CDH18: variants seen among roughly 807,000 people sequenced by gnomAD.
CDH18 encodes the protein cadherin-18.
In CDH18, 31 loss-of-function variants were observed where a neutral mutation model predicts 67.9. That is an observed-to-expected ratio of 0.46 (90% CI 0.34 to 0.62). CDH18 has a LOEUF of 0.62. Among genes scored for constraint, CDH18 ranks in the 20% least tolerant of loss-of-function variants. The pLI, the probability that CDH18 is intolerant of heterozygous loss-of-function variation, is 0.01. For synonymous variants in CDH18, 362 were observed against 347.2 expected, an observed-to-expected ratio of 1.04 and a Z score of -0.48; for missense variants, 890 against 975.5, an observed-to-expected ratio of 0.91 and a Z score of 1.17.
intron 5 of CDH18, among the ~76,000 whole-genome samples, chr5:19,679,515 T>C (rs1398883477): frequency 1.3e-5 from 2 of 151,996 alleles, no homozygotes; most frequent in Admixed American, 6.6e-5. Context: ...AGTCCAATTA[T>C]CTCTCTTTGC....
chr5:19,912,631 A>T (rs1249970923), intron 2 of CDH18, among the ~76,000 whole-genome samples: 1 of 152,200 alleles, frequency 6.6e-6, no homozygotes, highest in Non-Finnish European at 1.5e-5. Context: ...GAGCTATTTC[A>T]TCTTACAAAT....
intron 1 of CDH18, among the ~76,000 whole-genome samples, chr5:20,291,100 A>G (rs1007307606): frequency 6.6e-6 from 1 of 152,226 alleles, no homozygotes; most frequent in East Asian, 1.9e-4. Flanking sequence ...CATGTCATGA[A>G]TAAAATATGT....
At chr5:20,548,930 G>A (rs1220870229) in intron 1 of CDH18, among the ~76,000 whole-genome samples, 5 of 152,156 alleles carry the variant, frequency 3.3e-5, no homozygotes, top group Non-Finnish European at 4.4e-5. Flanking sequence ...TCACAGTGGT[G>A]TAGGATTGAA....
intron 3 of CDH18, among the ~76,000 whole-genome samples, chr5:19,807,345 G>A (rs1778144888): frequency 6.6e-6 from 1 of 151,858 alleles, no homozygotes; most frequent in Admixed American, 6.6e-5. Flanking sequence ...AAAAAGAAAA[G>A]GTACAGTAAA....
At chr5:20,242,638 A>ACATG (rs1743063219) in intron 2 of CDH18, among the ~76,000 whole-genome samples, 16 of 109,464 alleles carry the variant, frequency 1.5e-4, no homozygotes, top group Non-Finnish European at 2.0e-4. Flanking sequence ...ATATATGTAT[A>ACATG]TATATATATA....
chr5:20,389,836 T>A (rs1436280610), intron 1 of CDH18, among the ~76,000 whole-genome samples: 3 of 152,070 alleles, frequency 2.0e-5, no homozygotes, highest in Non-Finnish European at 2.9e-5. Context: ...CAATGCTGCA[T>A]ATCTACAACT....
At chr5:19,977,220 A>T (rs1463676130) in intron 2 of CDH18, among the ~76,000 whole-genome samples, 1 of 152,186 alleles carries the variant, frequency 6.6e-6, no homozygotes, top group African/African-American at 2.4e-5. Context: ...AGAAATGAAC[A>T]CATTATTGGG....
chr5:20,409,583 A>G (rs1293713536), intron 1 of CDH18, among the ~76,000 whole-genome samples: 1 of 151,706 alleles, frequency 6.6e-6, no homozygotes, highest in Non-Finnish European at 1.5e-5. Context: ...TTAAATAAAC[A>G]ACCTAACTTT....
rs1413633603 is a variant in CDH18 at position 20,419,473 on chromosome 5, T to G, written c.-580+155989A>C. On this transcript the variant is annotated intron_variant, in intron 1 of 14. Transcript: ENST00000507958. ...GGGTATGGGACTCTGTTTTTTTTTTTTTTTTTTTTTTTTTTTTTTTGAGAT... is the reference window on the plus strand; with the variant it reads ...GGGTATGGGACTCTGTTTTTTTTTTGTTTTTTTTTTTTTTTTTTTTGAGAT... Among the ~76,000 whole-genome samples, 5 of 75,072 alleles carry G rather than the reference T, an allele frequency of 6.7e-5. No homozygotes were observed. The East Asian group carries it at 2.7e-3, about 40-fold the overall frequency. The allele number at this position is 75,072 out of a possible 152,430, so 49.3% of individuals were successfully genotyped here.
intron 7 of CDH18, among the ~76,000 whole-genome samples, chr5:19,586,567 C>T (rs996949531): frequency 2.6e-5 from 4 of 152,250 alleles, no homozygotes; most frequent in South Asian, 2.1e-4. Context: ...CATAGTATTG[C>T]GTGGTGTATA....
intron 1 of CDH18, among the ~76,000 whole-genome samples, chr5:20,458,952 G>C (rs1477017270): frequency 6.6e-6 from 1 of 152,008 alleles, no homozygotes; most frequent in African/African-American, 2.4e-5. Context: ...ATTCCACATA[G>C]TTCTTTACTT....
At chr5:20,518,013 AT>A (rs796214228) in intron 1 of CDH18, among the ~76,000 whole-genome samples, 2 of 151,222 alleles carry the variant, frequency 1.3e-5, no homozygotes, top group South Asian at 2.1e-4. Flanking sequence ...AGGAACCTTT[AT>A]TTTTTTTTCC....
chr5:20,456,014 C>T (rs951089638), intron 1 of CDH18, among the ~76,000 whole-genome samples: 2 of 152,044 alleles, frequency 1.3e-5, no homozygotes, highest in Admixed American at 1.3e-4. Context: ...AAGCCAGAAG[C>T]TTTATTATAT....
intron 3 of CDH18, among the ~76,000 whole-genome samples, chr5:19,776,111 GA>G (rs1196439402): frequency 6.6e-6 from 1 of 151,828 alleles, no homozygotes; most frequent in African/African-American, 2.4e-5. Flanking sequence ...GGAGAAATTT[GA>G]AAAAAATACT....
chr5:20,035,400 T>G (rs1325729263), intron 2 of CDH18, among the ~76,000 whole-genome samples: 1 of 152,058 alleles, frequency 6.6e-6, no homozygotes, highest in Non-Finnish European at 1.5e-5. Context: ...CACACTGCTA[T>G]AAAGAACTGC....
chr5:20,166,186 A>C (rs1023712209), intron 2 of CDH18, among the ~76,000 whole-genome samples: 67 of 152,230 alleles, frequency 4.4e-4, no homozygotes, highest in African/African-American at 1.5e-3. Context: ...CACACCTGTA[A>C]TCCCAGCACT....
intron 2 of CDH18, among the ~76,000 whole-genome samples, chr5:20,091,698 CTT>C (rs959065277): frequency 2.6e-5 from 4 of 151,904 alleles, no homozygotes; most frequent in African/African-American, 7.3e-5. Flanking sequence ...TAAAAATTAA[CTT>C]ATAAATAAAT....
chr5:19,703,305 G>A (rs1763509476), intron 5 of CDH18, among the ~76,000 whole-genome samples: 1 of 152,076 alleles, frequency 6.6e-6, no homozygotes, highest in Non-Finnish European at 1.5e-5. Context: ...CAATCCCTGT[G>A]GTGAGTAAGA....
chr5:20,443,159 G>C (rs61473789), intron 1 of CDH18, among the ~76,000 whole-genome samples: 3 of 131,576 alleles, frequency 2.3e-5, no homozygotes, highest in African/African-American at 8.7e-5. Flanking sequence ...GCAGTGAGCC[G>C]AGATCCCGCC....
Sources: allele counts gnomAD v4.1 joint callset (sites outside exome capture counted in the v4.1 genomes callset), GRCh38; gene constraint gnomAD v4.1.1; transcripts MANE v1.5; gene names NCBI Gene and HGNC (gene_info 2026-07-23, HGNC 2026-07-21).